SPAST: variants seen among roughly 807,000 people sequenced by gnomAD.
The protein encoded by SPAST is spastin, also known as spastic paraplegia 4 (autosomal dominant; spastin).
A neutral mutation model predicts 76.6 loss-of-function variants in SPAST; 30 were observed. The ratio of observed to expected loss-of-function variants is 0.39; its 90% CI spans 0.29 to 0.53. The LOEUF (loss-of-function observed/expected upper bound fraction) is 0.53, where lower values mean the gene tolerates loss of function less well. Among genes scored for constraint, SPAST ranks in the 20% least tolerant of loss-of-function variants. SPAST has a pLI of 0.68. For missense variants in SPAST, 717 were observed against 770.5 expected (o/e 0.93, Z 0.82); for synonymous variants, 305 against 281.0 (o/e 1.09, Z -0.86).
At chr2:32,097,353 T>G (rs1039478986) in intron 3 of SPAST, among the ~76,000 whole-genome samples, 1 of 152,176 alleles carries the variant, frequency 6.6e-6, no homozygotes, top group African/African-American at 2.4e-5. Context: ...GTCACAAAAT[T>G]TTAACAAGTT....
chr2:32,073,710 G>A (rs555223002), intron 1 of SPAST, among the ~76,000 whole-genome samples: 1 of 152,024 alleles, frequency 6.6e-6, no homozygotes, highest in African/African-American at 2.4e-5. Flanking sequence ...TTTTTCTCTC[G>A]TTTGTGAATT....
intron 16 of SPAST, among the ~76,000 whole-genome samples, chr2:32,148,220 T>A (rs1290694452): frequency 6.6e-6 from 1 of 152,118 alleles, no homozygotes; most frequent in Admixed American, 6.6e-5. Context: ...TTTTTTTTAA[T>A]GGATTTTTCT....
chr2:32,066,171 C>A (rs1437920832), intron 1 of SPAST: 1 of 151,854 alleles, frequency 6.6e-6, no homozygotes, highest in African/African-American at 2.4e-5. Context: ...GATGGTGTTT[C>A]ACCATGTTGG....
chr2:32,146,392 C>A (rs919857590), intron 15 of SPAST, among the ~76,000 whole-genome samples: 57 of 151,390 alleles, frequency 3.8e-4, no homozygotes, highest in African/African-American at 1.3e-3. Flanking sequence ...GATCCTGTCT[C>A]TACAAAAAAA....
intron 4 of SPAST, among the ~76,000 whole-genome samples, chr2:32,113,331 C>T (rs905445195): frequency 2.0e-5 from 3 of 151,608 alleles, no homozygotes; most frequent in African/African-American, 7.3e-5. Context: ...GTGATCTGCC[C>T]GCCTCAGCCT....
At chr2:32,083,062 C>A (rs1677304699) in intron 1 of SPAST, among the ~76,000 whole-genome samples, 1 of 152,052 alleles carries the variant, frequency 6.6e-6, no homozygotes, top group Non-Finnish European at 1.5e-5. Context: ...ACCTCTGCCT[C>A]CCCGGTTCAA....
chr2:32,083,297 T>C (rs984053293), intron 1 of SPAST, among the ~76,000 whole-genome samples: 1 of 152,102 alleles, frequency 6.6e-6, no homozygotes, highest in African/African-American at 2.4e-5. Flanking sequence ...TGTAAATTCA[T>C]GTACAGGTCT....
intron 7 of SPAST, among the ~76,000 whole-genome samples, chr2:32,119,885 T>C (rs1043621079): frequency 3.9e-5 from 6 of 152,216 alleles, no homozygotes; most frequent in African/African-American, 1.4e-4. Flanking sequence ...AGCTTGTCTA[T>C]CATTTCGAGC....
intron 16 of SPAST, among the ~76,000 whole-genome samples, chr2:32,150,748 C>T (rs1282525970): frequency 6.6e-6 from 1 of 151,946 alleles, no homozygotes; most frequent in Non-Finnish European, 1.5e-5. Context: ...TTTAATCCCA[C>T]ACCTAAAAAT....
intron 4 of SPAST, among the ~76,000 whole-genome samples, chr2:32,102,150 T>C (rs1472165155): frequency 1.3e-5 from 2 of 151,708 alleles, no homozygotes; most frequent in African/African-American, 2.4e-5. Context: ...TTTTATTTCA[T>C]TGAGCAGTGG....
chr2:32,075,124 A>G (rs1323860076), intron 1 of SPAST, among the ~76,000 whole-genome samples: 1 of 152,036 alleles, frequency 6.6e-6, no homozygotes, highest in African/African-American at 2.4e-5. Context: ...AACGAGAGGT[A>G]TTTAAACAGT....
intron 1 of SPAST, 98 bp from the exon 2 acceptor site, chr2:32,087,394 C>G: frequency 2.8e-6 from 2 of 707,014 alleles, no homozygotes; most frequent in Admixed American, 2.0e-5. Context: ...CAGACTTGTT[C>G]ACAACCCTGT....
At chr2:32,080,464 C>A (rs1677174347) in intron 1 of SPAST, among the ~76,000 whole-genome samples, 1 of 73,514 alleles carries the variant, frequency 1.4e-5, no homozygotes, top group Non-Finnish European at 3.0e-5. Context: ...ATAATTTAAA[C>A]TACAAGTGGT....
At chr2:32,107,455 G>A (rs1046760131) in intron 4 of SPAST, among the ~76,000 whole-genome samples, 2 of 152,068 alleles carry the variant, frequency 1.3e-5, no homozygotes, top group African/African-American at 2.4e-5. Context: ...GTTTCACCAT[G>A]TTGGTCAAGC....
intron 1 of SPAST, among the ~76,000 whole-genome samples, chr2:32,071,305 A>G (rs1021516755): frequency 6.6e-6 from 1 of 152,226 alleles, no homozygotes; most frequent in African/African-American, 2.4e-5. Flanking sequence ...AATTGTCTAA[A>G]TAAAATTTTT....
intron 1 of SPAST, among the ~76,000 whole-genome samples, chr2:32,071,198 C>T (rs1158498465): frequency 1.3e-5 from 2 of 152,070 alleles, no homozygotes; most frequent in Non-Finnish European, 2.9e-5. Context: ...TTCTCAAGTA[C>T]ATAGGACTAA....
At chr2:32,111,251 T>A (rs1349927056) in intron 4 of SPAST, among the ~76,000 whole-genome samples, 1 of 95,522 alleles carries the variant, frequency 1.0e-5, no homozygotes, top group Non-Finnish European at 2.2e-5. Flanking sequence ...GTATACTATA[T>A]AGTGTGTATA....
At chr2:32,154,257 C>A in intron 16 of SPAST, 117 bp from the exon 17 acceptor site, 1 of 847,064 alleles carries the variant, frequency 1.2e-6, no homozygotes, top group Non-Finnish European at 1.9e-6. Flanking sequence ...AGAATACATA[C>A]ACGTATATTT....
chr2:32,114,810 T>G lies in SPAST; in HGVS notation c.855T>G (p.Ala285=), dbSNP rs778759688. 1.9e-6 allele frequency: 3 copies of G among 1,613,950 alleles called. No individual in the cohort carries two copies. The South Asian group carries it at 3.3e-5, about 18-fold the overall frequency. ...GAGTGAAACAGGGATCTGGTCCTGC[T>G]CCTACCACTCATAAGGTATTCTGGG... ...VSGVKQGSGP[A]PTTHKGTPKT... The change falls in exon 5 of 17, where the codon GCT becomes GCG. Residue 285 remains alanine, a synonymous_variant. Transcript: ENST00000315285.
Sources: allele counts gnomAD v4.1 joint callset (sites outside exome capture counted in the v4.1 genomes callset), GRCh38; gene constraint gnomAD v4.1.1; transcripts MANE v1.5; gene names NCBI Gene and HGNC (gene_info 2026-07-23, HGNC 2026-07-21).